The following TDRD9 variants were observed in gnomAD, a reference collection of about 807,000 sequenced individuals.
TDRD9 encodes ATP-dependent RNA helicase TDRD9.
In TDRD9, 124 loss-of-function variants were observed where a neutral mutation model predicts 172.6. The ratio of observed to expected loss-of-function variants is 0.72; its 90% CI spans 0.62 to 0.83. The LOEUF is 0.83. TDRD9 is among the 40% of genes least tolerant of loss of function. The pLI is 0.00. For synonymous variants in TDRD9, 619 were observed against 617.1 expected (o/e 1.00, Z -0.05); for missense variants, 1,479 against 1,714.1 (o/e 0.86, Z 2.42).
At chr14:104,005,180 C>T in intron 14 of TDRD9, 94 bp from the exon 15 acceptor site, 3 of 1,334,184 alleles carry the variant, frequency 2.2e-6, no homozygotes, top group South Asian at 2.7e-5. Flanking sequence ...CTCTCCTTCT[C>T]TCCTCCTCTT....
At chr14:103,954,560 CAA>C (rs571113125) in intron 1 of TDRD9, among the ~76,000 whole-genome samples, 67 of 152,332 alleles carry the variant, frequency 4.4e-4, no homozygotes, top group African/African-American at 1.6e-3. Context: ...TGATGTTTAA[CAA>C]AGATTCTGAG....
intron 12 of TDRD9, among the ~76,000 whole-genome samples, chr14:103,998,047 C>T (rs539208137): frequency 1.2e-4 from 18 of 152,200 alleles, no homozygotes; most frequent in Admixed American, 3.3e-4. Flanking sequence ...AGTGCTTTGC[C>T]TGTGTGAGGG....
intron 1 of TDRD9, chr14:103,940,736 ATCACT>A: frequency 9.4e-7 from 1 of 1,064,858 alleles, no homozygotes; most frequent in Non-Finnish European, 1.3e-6. Flanking sequence ...TTGAAGTCAC[ATCACT>A]TTTTCTTATT....
intron 18 of TDRD9, 22 bp from the exon 19 acceptor site, chr14:104,007,138 A>C (rs1216096225): frequency 6.2e-7 from 1 of 1,608,482 alleles, no homozygotes. Flanking sequence ...TTATTTTGAA[A>C]GTTTGGATCC....
At chr14:103,996,599 C>T (rs185482901) in intron 12 of TDRD9, among the ~76,000 whole-genome samples, 15 of 152,002 alleles carry the variant, frequency 9.9e-5, no homozygotes, top group East Asian at 1.9e-4. Context: ...GTGTAGGGAA[C>T]GGGTTTGAGG....
chr14:103,947,474 C>T (rs1277981612), intron 1 of TDRD9, among the ~76,000 whole-genome samples: 2 of 151,948 alleles, frequency 1.3e-5, no homozygotes, highest in Non-Finnish European at 2.9e-5. Flanking sequence ...ACTACAGGCG[C>T]CCGCCACCAC....
intron 1 of TDRD9, among the ~76,000 whole-genome samples, chr14:103,952,157 T>C (rs1348475946): frequency 1.4e-5 from 2 of 142,858 alleles, no homozygotes; most frequent in Non-Finnish European, 3.0e-5. Context: ...TATATACGTG[T>C]ATATATGTGT....
chr14:104,037,265 C>T (rs934576681), intron 32 of TDRD9, among the ~76,000 whole-genome samples: 3 of 152,304 alleles, frequency 2.0e-5, no homozygotes, highest in South Asian at 2.1e-4. Flanking sequence ...TCCTGCGAGC[C>T]GCTGCCCCGC....
rs558957782 is a variant in TDRD9 at position 103,966,702 on chromosome 14, A to G, written c.643-7A>G. ...TTTTCCTTTCCTTTTTCCTTCTCCA[A>G]TTTTAGGTAGGGCTAGAGAAAATAG... On this transcript the variant is annotated splice_polypyrimidine_tract_variant and splice_region_variant and intron_variant, in intron 4 of 35. Transcript: ENST00000409874. 3.5e-5 allele frequency: 53 copies of G among 1,509,164 alleles called. No individual in the cohort carries two copies. Among genetic ancestry groups the G allele is most frequent in the Non-Finnish European group, 4.1e-5 (46 of 1,126,774 alleles). 93.5% of individuals were successfully genotyped at this position (1,509,164 alleles called of 1,614,324 possible).
At chr14:103,953,971 G>A (rs144953592) in intron 1 of TDRD9, among the ~76,000 whole-genome samples, 4 of 152,110 alleles carry the variant, frequency 2.6e-5, no homozygotes, top group African/African-American at 9.6e-5. Context: ...CAGCTATCTG[G>A]GCATCCCTTG....
In TDRD9 at chr14:103,971,029, G is replaced by A. The variant is rs139073052; in HGVS notation, c.846+408G>A. On this transcript the variant is annotated intron_variant, in intron 6 of 35. Coordinates refer to ENST00000409874, the MANE Select transcript of TDRD9 (RefSeq NM_153046.3). ...GACGGAGTCTAGCTCTGTCGCCCAGGCTGGAGTGCAGTGGCGTGATCTCGG... is the reference window on the plus strand; with the variant it reads ...GACGGAGTCTAGCTCTGTCGCCCAGACTGGAGTGCAGTGGCGTGATCTCGG... 4.6e-3 allele frequency among the ~76,000 whole-genome samples: 700 copies of A among 152,046 alleles called. 3 individuals carry two copies. Among genetic ancestry groups the A allele is most frequent in the African/African-American group, 0.016 (676 of 41,494 alleles).
intron 24 of TDRD9, among the ~76,000 whole-genome samples, chr14:104,022,764 A>AT (rs372923417): frequency 2.8e-5 from 4 of 144,564 alleles, no homozygotes; most frequent in African/African-American, 2.5e-5. Flanking sequence ...AAATAAATAA[A>AT]AAAGCACTGG....
intron 1 of TDRD9, among the ~76,000 whole-genome samples, chr14:103,954,862 C>A (rs1244367727): frequency 6.6e-6 from 1 of 152,010 alleles, no homozygotes; most frequent in African/African-American, 2.4e-5. Context: ...CTCCTGACCT[C>A]AAGTGATCCG....
intron 30 of TDRD9, among the ~76,000 whole-genome samples, chr14:104,032,787 G>C (rs1311220064): frequency 6.6e-6 from 1 of 152,200 alleles, no homozygotes; most frequent in Non-Finnish European, 1.5e-5. Flanking sequence ...GGGGCATAGA[G>C]GAAGCCGGTA....
In TDRD9 at chr14:104,035,046, A is replaced by G; in HGVS notation, c.3706A>G (p.Ile1236Val). ...CCTCAGCATGTTATTCGCACCGGTG[A>G]TAGAGTTAAGGTACGGGCATCCCTC... ...ALLSMLFAPV[I>V]ELRIDQNGKY... The change falls in exon 32 of 36, where the codon ATA (isoleucine) becomes GTA (valine). Residue 1236 changes from isoleucine to valine, a missense_variant. Transcript: ENST00000409874. 1.9e-6 allele frequency: 3 copies of G among 1,551,510 alleles called. No homozygotes were observed. The highest frequency in any genetic ancestry group is 2.6e-6 in the Non-Finnish European group (3 of 1,146,806).
intron 22 of TDRD9, 107 bp from the exon 23 acceptor site, chr14:104,017,982 AACT>A: frequency 1.5e-6 from 1 of 674,206 alleles, no homozygotes; most frequent in South Asian, 1.8e-5. Flanking sequence ...AAAGATAGTA[AACT>A]ATGTTTTTAG....
intron 1 of TDRD9, among the ~76,000 whole-genome samples, chr14:103,948,322 GTTGA>G (rs1199071316): frequency 6.6e-6 from 1 of 152,126 alleles, no homozygotes; most frequent in African/African-American, 2.4e-5. Context: ...CGGCAAAAAA[GTTGA>G]TTCAAAATTG....
chr14:104,045,262 C>T (rs372926331), intron 34 of TDRD9, among the ~76,000 whole-genome samples: 60 of 152,228 alleles, frequency 3.9e-4, no homozygotes, highest in African/African-American at 1.3e-3. Flanking sequence ...CACGAGGCAC[C>T]GGCACGTGTT....
Position 103,952,483 on chromosome 14 carries a change from C to T in TDRD9, c.216-3181C>T, listed in dbSNP as rs560774810. Among the ~76,000 whole-genome samples the T allele has an allele frequency of 7.3e-3, 1,099 of 149,816 alleles. 11 individuals are homozygous for T. The highest frequency in any genetic ancestry group is 0.025 in the African/African-American group (1,038 of 40,918). On this transcript the variant is annotated intron_variant, in intron 1 of 35. Transcript: ENST00000409874. ...GTCTTGATCTCTTGACCTCGTGATC[C>T]GCCCACCTCGGCCTCCCAAAGTGCT...
Sources: gnomAD v4.1 joint callset for allele counts (sites outside exome capture counted in the v4.1 genomes callset) on GRCh38, gnomAD v4.1.1 for gene constraint, MANE v1.5 for transcripts, NCBI Gene and HGNC (gene_info 2026-07-23, HGNC 2026-07-21) for gene names.